ARK2C: variants seen among roughly 807,000 people sequenced by gnomAD.
ARK2C encodes the protein E3 ubiquitin-protein ligase ARK2C.
the ARK2C span, among the ~76,000 whole-genome samples, chr18:46,434,883 AGAG>A: frequency 3.9e-5 from 6 of 152,046 alleles, no homozygotes; most frequent in Non-Finnish European, 5.9e-5. Flanking sequence ...AGGGTTGAGG[AGAG>A]GAGAAGAGCA....
At chr18:46,389,586 C>CT in the ARK2C span, among the ~76,000 whole-genome samples, 1 of 152,206 alleles carries the variant, frequency 6.6e-6, no homozygotes, top group Admixed American at 6.5e-5. Context: ...GATTATTACG[C>CT]TTTCCCCAGC....
At chr18:46,439,254 A>G in the ARK2C span, among the ~76,000 whole-genome samples, 1 of 152,234 alleles carries the variant, frequency 6.6e-6, no homozygotes, top group South Asian at 2.1e-4. Context: ...TCCCTCAGAA[A>G]GATCTCAGAT....
the ARK2C span, among the ~76,000 whole-genome samples, chr18:46,346,191 G>A: frequency 5.3e-5 from 8 of 152,180 alleles, no homozygotes; most frequent in Admixed American, 3.3e-4. Context: ...CTAGGAACCA[G>A]AGCCTGAGAG....
chr18:46,427,511 G>T, the ARK2C span, among the ~76,000 whole-genome samples: 1 of 152,230 alleles, frequency 6.6e-6, no homozygotes, highest in African/African-American at 2.4e-5. Flanking sequence ...ACCCGGGAGG[G>T]TACTGGCCAG....
the ARK2C span, among the ~76,000 whole-genome samples, chr18:46,388,134 A>T: frequency 6.6e-6 from 1 of 152,318 alleles, no homozygotes; most frequent in East Asian, 1.9e-4. Context: ...TTTATTTGGG[A>T]TTACAGCTGG....
chr18:46,433,178 C>G, the ARK2C span: 21 of 1,561,432 alleles, frequency 1.3e-5, no homozygotes, highest in Middle Eastern at 3.4e-4. Context: ...TGTCTCTGTC[C>G]TTGCCTTCCA....
chr18:46,391,571 G>C, the ARK2C span, among the ~76,000 whole-genome samples: 1 of 152,030 alleles, frequency 6.6e-6, no homozygotes, highest in Non-Finnish European at 1.5e-5. Flanking sequence ...GGCAGGCCCT[G>C]CTCGAGCAGG....
At chr18:46,383,912 C>T in the ARK2C span, among the ~76,000 whole-genome samples, 2 of 152,224 alleles carry the variant, frequency 1.3e-5, no homozygotes, top group Admixed American at 6.5e-5. Context: ...GCTCAGTAGT[C>T]AGTCCGATGA....
chr18:46,390,063 A>G, the ARK2C span, among the ~76,000 whole-genome samples: 3 of 151,954 alleles, frequency 2.0e-5, no homozygotes, highest in Admixed American at 1.3e-4. Flanking sequence ...CTGTTCCCCA[A>G]TTCTTCCCCT....
the ARK2C span, among the ~76,000 whole-genome samples, chr18:46,444,840 C>T: frequency 2.0e-5 from 3 of 152,094 alleles, no homozygotes; most frequent in Non-Finnish European, 4.4e-5. Flanking sequence ...ATCTAATTTA[C>T]TGTTACTCTA....
the ARK2C span, among the ~76,000 whole-genome samples, chr18:46,380,028 A>T: frequency 6.6e-6 from 1 of 152,248 alleles, no homozygotes; most frequent in African/African-American, 2.4e-5. Flanking sequence ...ATCCCTCCCA[A>T]CTATTAGCCT....
At chr18:46,433,343 A>T in the ARK2C span, 1 of 1,612,682 alleles carries the variant, frequency 6.2e-7, no homozygotes, top group Non-Finnish European at 8.5e-7. Flanking sequence ...GCCCCGGCCC[A>T]CCAGCACAGC....
the ARK2C span, among the ~76,000 whole-genome samples, chr18:46,395,567 A>T: frequency 5.3e-5 from 8 of 152,142 alleles, no homozygotes; most frequent in African/African-American, 1.9e-4. Flanking sequence ...GAGTGATACT[A>T]AGTAACTCAT....
At chr18:46,421,529 GA>G in the ARK2C span, among the ~76,000 whole-genome samples, 4 of 152,360 alleles carry the variant, frequency 2.6e-5, no homozygotes, top group East Asian at 7.7e-4. Context: ...GCCTTGTTAG[GA>G]TTGTGGCAGG....
the ARK2C span, among the ~76,000 whole-genome samples, chr18:46,367,875 T>C: frequency 6.6e-6 from 1 of 152,220 alleles, no homozygotes; most frequent in Non-Finnish European, 1.5e-5. Flanking sequence ...GCAGTTGGTG[T>C]GGGATGGTGC....
At chr18:46,430,968 C>T in the ARK2C span, among the ~76,000 whole-genome samples, 3 of 152,070 alleles carry the variant, frequency 2.0e-5, no homozygotes, top group Non-Finnish European at 4.4e-5. Flanking sequence ...TAGGTATACA[C>T]GTGCCATGGT....
the ARK2C span, among the ~76,000 whole-genome samples, chr18:46,392,416 C>T: frequency 2.6e-5 from 4 of 152,252 alleles, no homozygotes; most frequent in African/African-American, 9.6e-5. Context: ...TCAGGGCCCT[C>T]AGGGCCCTCT....
the ARK2C span, among the ~76,000 whole-genome samples, chr18:46,360,046 A>G: frequency 3.1e-3 from 478 of 152,322 alleles, 2 homozygotes; most frequent in African/African-American, 0.011. Flanking sequence ...TACCATAGTC[A>G]TCATGTCCAG....
chr18:46,403,431 G>A, the ARK2C span, among the ~76,000 whole-genome samples: 1 of 152,004 alleles, frequency 6.6e-6, no homozygotes, highest in African/African-American at 2.4e-5. Flanking sequence ...CATACTCACT[G>A]GGCCAACTCA....
Sources: allele counts gnomAD v4.1 joint callset (sites outside exome capture counted in the v4.1 genomes callset), GRCh38; gene constraint gnomAD v4.1.1; transcripts MANE v1.5; gene names NCBI Gene and HGNC (gene_info 2026-07-23, HGNC 2026-07-21).